The following CABIN1 variants were observed in gnomAD, a reference collection of about 807,000 sequenced individuals.
CABIN1 encodes calcineurin-binding protein cabin-1.
A neutral mutation model predicts 227.7 loss-of-function variants in CABIN1; 133 were observed. The ratio of observed to expected loss-of-function variants is 0.58; its 90% CI spans 0.51 to 0.67. CABIN1 has a LOEUF of 0.67. Among genes scored for constraint, CABIN1 ranks in the 30% least tolerant of loss-of-function variants. The pLI is 0.00. For synonymous variants in CABIN1, 1,086 were observed against 1,155.1 expected, an observed-to-expected ratio of 0.94 and a Z score of 1.21; for missense variants, 2,408 against 2,852.5, an observed-to-expected ratio of 0.84 and a Z score of 3.55.
chr22:24,165,570 C>A lies in CABIN1; in HGVS notation c.4951C>A (p.Arg1651=), dbSNP rs780830283. The A allele has an allele frequency of 6.2e-7, 1 of 1,613,164 alleles. No individual in the cohort carries two copies. Among genetic ancestry groups the A allele is most frequent in the East Asian group, 2.2e-5 (1 of 44,870 alleles). Residue 1651 remains arginine, a synonymous_variant, in exon 31 of 37, where the codon CGG becomes AGG. Transcript: ENST00000263119. The part of the protein sequence containing the change: ...RDADRQVLAQ[R]AFILTVKVLE... Reference sequence around the variant, plus strand: ...TGCTGACCGCCAGGTCCTGGCGCAGCGGGCCTTCATCCTCACTGTGAAGGT... The same window carrying A: ...TGCTGACCGCCAGGTCCTGGCGCAGAGGGCCTTCATCCTCACTGTGAAGGT...
At position 24,019,120 on chromosome 22, in the gene CABIN1, G is replaced by GTTTTT. The variant is rs945660140; in HGVS notation, c.-75+7777_-75+7781dup. Among the ~76,000 whole-genome samples, 12 of 40,218 alleles carry GTTTTT rather than the reference G, an allele frequency of 3.0e-4. 2 individuals carry two copies. The highest frequency in any genetic ancestry group is 3.5e-4 in the Non-Finnish European group (8 of 23,112). The allele number at this position is 40,218 out of a possible 152,430, so 26.4% of individuals were successfully genotyped here. A position where few individuals can be genotyped will look rare whatever the true frequency, so the allele number is the denominator to read the frequency against. On this transcript the variant is annotated intron_variant, in intron 1 of 36. Coordinates refer to ENST00000263119, the MANE Select transcript of CABIN1 (RefSeq NM_012295.4). ...ATATTGTGCAACTTCACTGAGTGTT[G>GTTTTT]TTTTTTTTTTTTTTTTTTTTTTTTT... is the stretch of plus-strand genomic sequence containing the variant.
chr22:24,035,139 G>A (rs1411361382), intron 1 of CABIN1, among the ~76,000 whole-genome samples: 3 of 152,080 alleles, frequency 2.0e-5, no homozygotes, highest in East Asian at 1.9e-4. Context: ...GTTTCTTTTC[G>A]TATCATTCAG....
At chr22:24,058,068 G>A (rs2038932797) in intron 10 of CABIN1, among the ~76,000 whole-genome samples, 1 of 152,294 alleles carries the variant, frequency 6.6e-6, no homozygotes, top group East Asian at 1.9e-4. Flanking sequence ...GTCTTGCCCT[G>A]TTGCCTAGGC....
intron 29 of CABIN1, chr22:24,162,065 G>C (rs1422335094): frequency 3.3e-5 from 5 of 152,284 alleles, no homozygotes; most frequent in Non-Finnish European, 7.3e-5. Flanking sequence ...TGCAAACACA[G>C]AAGCCCAGCT....
chr22:24,175,843 G>A, intron 34 of CABIN1: 3 of 567,362 alleles, frequency 5.3e-6, no homozygotes, highest in Non-Finnish European at 9.5e-6. Context: ...ACTCAGGTGT[G>A]GCCCCACTGG....
At chr22:24,083,546 G>C (rs1265088112) in intron 20 of CABIN1, among the ~76,000 whole-genome samples, 157 bp downstream of exon 20, 1 of 152,124 alleles carries the variant, frequency 6.6e-6, no homozygotes, top group African/African-American at 2.4e-5. Flanking sequence ...AAAGGACAAG[G>C]GTTTTTCTTG....
At chr22:24,151,454 G>A (rs1440993578) in intron 29 of CABIN1, among the ~76,000 whole-genome samples, 2 of 152,098 alleles carry the variant, frequency 1.3e-5, no homozygotes, top group East Asian at 1.9e-4. Flanking sequence ...AAGATGGATC[G>A]ACTGCCCTAC....
At chr22:24,054,787 C>T (rs2038653833) in intron 8 of CABIN1, 86 bp from the exon 9 acceptor site, 2 of 1,570,772 alleles carry the variant, frequency 1.3e-6, no homozygotes, top group East Asian at 2.2e-5. Context: ...GCTCTGCCGC[C>T]TCTGTGCAGG....
intron 26 of CABIN1, among the ~76,000 whole-genome samples, chr22:24,102,556 G>A (rs2042266472): frequency 6.6e-6 from 1 of 152,178 alleles, no homozygotes; most frequent in South Asian, 2.1e-4. Flanking sequence ...ATAGCTGAGG[G>A]TTGGGGGTCA....
chr22:24,136,524 A>ATTTTT (rs145864566), intron 29 of CABIN1, among the ~76,000 whole-genome samples: 18 of 69,874 alleles, frequency 2.6e-4, no homozygotes, highest in African/African-American at 7.3e-4. Context: ...TAATTTTTGT[A>ATTTTT]TTTTTTTTTT....
chr22:24,076,432 A>G, intron 19 of CABIN1, 148 bp downstream of exon 19: 1 of 705,864 alleles, frequency 1.4e-6, no homozygotes, highest in Non-Finnish European at 2.6e-6. Context: ...GACTTACTGC[A>G]TTTCTCACTG....
intron 1 of CABIN1, chr22:24,011,570 C>T (rs2034813299): frequency 6.6e-6 from 1 of 152,250 alleles, no homozygotes; most frequent in Non-Finnish European, 1.5e-5. Flanking sequence ...TCATGGCTCT[C>T]GCCGCCGCCC....
intron 17 of CABIN1, among the ~76,000 whole-genome samples, chr22:24,071,419 A>G (rs1037441452): frequency 3.3e-5 from 5 of 152,102 alleles, no homozygotes; most frequent in Non-Finnish European, 7.4e-5. Flanking sequence ...GGCACTTCCA[A>G]CTGAGGGGTA....
chr22:24,031,984 T>TA (rs2036532602), intron 1 of CABIN1, among the ~76,000 whole-genome samples: 1 of 152,220 alleles, frequency 6.6e-6, no homozygotes, highest in African/African-American at 2.4e-5. Flanking sequence ...AAAGAAATGG[T>TA]AAAATATGGA....
At chr22:24,020,777 GTGT>G (rs1446708916) in intron 1 of CABIN1, among the ~76,000 whole-genome samples, 1 of 152,142 alleles carries the variant, frequency 6.6e-6, no homozygotes, top group Admixed American at 6.5e-5. Flanking sequence ...TGATTGGCAA[GTGT>G]TGTTTTTAGT....
intron 6 of CABIN1, 40 bp from the exon 7 acceptor site, chr22:24,049,041 AGCTTCTGAGT>A: frequency 1.2e-6 from 2 of 1,608,798 alleles, no homozygotes; most frequent in Non-Finnish European, 1.7e-6. Flanking sequence ...GCAAGGCCAG[AGCTTCTGAGT>A]GCGGTCTCAG....
At chr22:24,082,868 C>T (rs1368151159) in intron 19 of CABIN1, among the ~76,000 whole-genome samples, 1 of 152,158 alleles carries the variant, frequency 6.6e-6, no homozygotes, top group Non-Finnish European at 1.5e-5. Flanking sequence ...AGAAAGTATT[C>T]AGTAAATATT....
chr22:24,038,592 C>G lies in CABIN1; in HGVS notation c.210+131C>G, dbSNP rs1256177293. The G allele has an allele frequency of 2.4e-5, 17 of 704,378 alleles. No individual in the cohort carries two copies. The East Asian group carries it at 4.4e-4, about 18-fold the overall frequency. The allele number at this position is 704,378 out of a possible 1,614,324, so 43.6% of individuals were successfully genotyped here. The stretch of plus-strand genomic sequence containing the variant: ...ACCTTGAAAACATTATTTCACCTCT[C>G]TGCCCCTATTTCCCCACCTCTAGGT... On this transcript the variant is annotated intron_variant, in intron 4 of 36. Transcript: ENST00000263119.
intron 6 of CABIN1, among the ~76,000 whole-genome samples, chr22:24,043,306 A>C (rs879193869): frequency 1.4e-4 from 10 of 72,142 alleles, no homozygotes; most frequent in African/African-American, 6.4e-4. Flanking sequence ...GAATGATTTT[A>C]CTTTTTTTTT....
Sources: gnomAD v4.1 joint callset for allele counts (sites outside exome capture counted in the v4.1 genomes callset) on GRCh38, gnomAD v4.1.1 for gene constraint, MANE v1.5 for transcripts, NCBI Gene and HGNC (gene_info 2026-07-23, HGNC 2026-07-21) for gene names.